The following UVRAG variants were observed in gnomAD, a reference collection of about 807,000 sequenced individuals.
UVRAG encodes the protein UV radiation resistance-associated gene protein.
In UVRAG, 19 loss-of-function variants were observed where a neutral mutation model predicts 78.0. That is an observed-to-expected ratio of 0.24 (90% confidence interval 0.17 to 0.36). The LOEUF (loss-of-function observed/expected upper bound fraction) is 0.36, where lower values mean the gene tolerates loss of function less well. UVRAG is among the 10% of genes least tolerant of loss of function. The pLI, the probability that UVRAG is intolerant of heterozygous loss-of-function variation, is 1.00. For synonymous variants in UVRAG, 323 were observed against 324.6 expected, an observed-to-expected ratio of 1.00 and a Z score of 0.05; for missense variants, 740 against 853.8, an observed-to-expected ratio of 0.87 and a Z score of 1.66.
At chr11:75,966,763 G>GTAGT (rs1311450159) in intron 7 of UVRAG, among the ~76,000 whole-genome samples, 1 of 152,138 alleles carries the variant, frequency 6.6e-6, no homozygotes, top group Non-Finnish European at 1.5e-5. Flanking sequence ...ATTTTAGCAG[G>GTAGT]TAGTTAACTT....
intron 1 of UVRAG, among the ~76,000 whole-genome samples, chr11:75,850,811 T>C (rs935808780): frequency 3.9e-5 from 6 of 152,196 alleles, no homozygotes; most frequent in African/African-American, 1.4e-4. Flanking sequence ...TGTAAATACA[T>C]TTGAGGCTTT....
chr11:75,935,747 T>A (rs906251092), intron 6 of UVRAG, among the ~76,000 whole-genome samples: 4 of 42,496 alleles, frequency 9.4e-5, no homozygotes, highest in African/African-American at 2.0e-4. Context: ...AGAAAGATGA[T>A]CCCTCAGTAC....
chr11:75,871,255 G>T (rs920408634), intron 3 of UVRAG, among the ~76,000 whole-genome samples: 1 of 146,882 alleles, frequency 6.8e-6, no homozygotes, highest in Non-Finnish European at 1.5e-5. Context: ...GTTCTGCCTG[G>T]TTATGAACTT....
At chr11:76,012,563 GCTGGTTATT>G (rs1565119491) in intron 11 of UVRAG, among the ~76,000 whole-genome samples, 1 of 152,136 alleles carries the variant, frequency 6.6e-6, no homozygotes, top group Non-Finnish European at 1.5e-5. Context: ...GGAACTCCAA[GCTGGTTATT>G]CTGTGATATT....
intron 12 of UVRAG, among the ~76,000 whole-genome samples, chr11:76,060,736 C>G (rs553402956): frequency 1.6e-4 from 24 of 152,298 alleles, no homozygotes; most frequent in Admixed American, 6.5e-5. Context: ...TGTGCTGGGT[C>G]CCCCAGCAGT....
At chr11:75,877,614 C>T (rs1453818217) in intron 3 of UVRAG, among the ~76,000 whole-genome samples, 3 of 143,814 alleles carry the variant, frequency 2.1e-5, no homozygotes, top group Admixed American at 6.8e-5. Flanking sequence ...GGGGGCTGAC[C>T]CCCCCACCTC....
At chr11:76,010,655 T>TA in intron 11 of UVRAG, among the ~76,000 whole-genome samples, 1 of 152,212 alleles carries the variant, frequency 6.6e-6, no homozygotes, top group Non-Finnish European at 1.5e-5. Context: ...TCTTATAAGA[T>TA]ATCTATATCT....
At chr11:75,974,292 C>G (rs1218158340) in intron 7 of UVRAG, among the ~76,000 whole-genome samples, 1 of 149,396 alleles carries the variant, frequency 6.7e-6, no homozygotes, top group Non-Finnish European at 1.5e-5. Context: ...ATTTGCATTT[C>G]TCTGATGGCC....
intron 6 of UVRAG, among the ~76,000 whole-genome samples, chr11:75,919,332 A>G (rs543433878): frequency 4.6e-5 from 7 of 152,206 alleles, no homozygotes; most frequent in Non-Finnish European, 8.8e-5. Flanking sequence ...TTATGTGCTA[A>G]AACTCGTGTA....
intron 13 of UVRAG, among the ~76,000 whole-genome samples, chr11:76,069,667 C>T (rs562801857): frequency 7.0e-4 from 107 of 152,238 alleles, no homozygotes; most frequent in African/African-American, 2.5e-3. Flanking sequence ...CATATAAATT[C>T]ACATGATCCC....
At chr11:75,821,378 G>C (rs971464579) in intron 1 of UVRAG, among the ~76,000 whole-genome samples, 1 of 152,146 alleles carries the variant, frequency 6.6e-6, no homozygotes, top group Non-Finnish European at 1.5e-5. Flanking sequence ...GTCTCACTCT[G>C]TTGCCCAGGC....
At chr11:75,950,745 A>AT (rs1484809769) in intron 6 of UVRAG, among the ~76,000 whole-genome samples, 2 of 152,122 alleles carry the variant, frequency 1.3e-5, no homozygotes, top group Admixed American at 6.6e-5. Flanking sequence ...AGCCATTATA[A>AT]TAGGCTTGTA....
chr11:76,087,041 T>C (rs1951600259), intron 13 of UVRAG, among the ~76,000 whole-genome samples: 1 of 152,242 alleles, frequency 6.6e-6, no homozygotes, highest in African/African-American at 2.4e-5. Context: ...CTAACATAAA[T>C]TATTGGCTTG....
At chr11:76,088,076 A>G (rs911214741) in intron 13 of UVRAG, among the ~76,000 whole-genome samples, 1 of 152,026 alleles carries the variant, frequency 6.6e-6, no homozygotes, top group African/African-American at 2.4e-5. Context: ...TGATTTTTAT[A>G]TGGTTTTTTG....
intron 1 of UVRAG, among the ~76,000 whole-genome samples, chr11:75,842,949 A>G (rs1431495908): frequency 6.6e-6 from 1 of 152,188 alleles, no homozygotes; most frequent in Non-Finnish European, 1.5e-5. Flanking sequence ...TGGAGTAATT[A>G]TTTTAAGAAC....
intron 6 of UVRAG, among the ~76,000 whole-genome samples, chr11:75,941,007 A>G (rs571656428): frequency 2.6e-5 from 4 of 152,250 alleles, no homozygotes; most frequent in Admixed American, 2.0e-4. Flanking sequence ...ATTATCTGTC[A>G]TTCTGAACTG....
intron 12 of UVRAG, among the ~76,000 whole-genome samples, chr11:76,065,099 G>A (rs1275658861): frequency 6.6e-6 from 1 of 152,152 alleles, no homozygotes; most frequent in Non-Finnish European, 1.5e-5. Context: ...TGCCTTTGTT[G>A]CTCCAGTGAG....
In UVRAG at chr11:75,959,650, C is replaced by T. The variant is rs1195953445; in HGVS notation, c.594-1794C>T. On this transcript the variant is annotated intron_variant, in intron 6 of 14. Transcript: ENST00000356136. ...TACTTTCTTATCATTCGTGTGTTCA[C>T]TGGAGTAGCACTTTTAATTTCCTTC... Among the ~76,000 whole-genome samples, 4 of 152,326 alleles carry T rather than the reference C, an allele frequency of 2.6e-5. No individual in the cohort carries two copies. The East Asian group carries it at 7.7e-4, about 29-fold the overall frequency.
intron 5 of UVRAG, among the ~76,000 whole-genome samples, chr11:75,893,479 A>C (rs551727135): frequency 6.6e-6 from 1 of 152,118 alleles, no homozygotes; most frequent in African/African-American, 2.4e-5. Context: ...AAATTTGAAA[A>C]GCTACCAGCG....
Sources: gnomAD v4.1 joint callset for allele counts (sites outside exome capture counted in the v4.1 genomes callset) on GRCh38, gnomAD v4.1.1 for gene constraint, MANE v1.5 for transcripts, NCBI Gene and HGNC (gene_info 2026-07-23, HGNC 2026-07-21) for gene names.